Variants in STK32B observed in about 807,000 individuals in gnomAD.
STK32B encodes serine/threonine-protein kinase 32B.
A neutral mutation model predicts 52.6 loss-of-function variants in STK32B; 43 were observed. The observed-to-expected ratio is 0.82, with a 90% confidence interval of 0.64 to 1.05. The LOEUF is 1.05. STK32B is among the 50% of genes least tolerant of loss of function. The probability of loss-of-function intolerance (pLI) is 0.00; values close to 1 mark genes in which losing one functional copy is unlikely to be tolerated. For synonymous variants in STK32B, 238 were observed against 204.3 expected (o/e 1.17, Z -1.41); for missense variants, 621 against 534.6 (o/e 1.16, Z -1.59).
At chr4:5,418,860 T>C (rs1422630486) in intron 6 of STK32B, among the ~76,000 whole-genome samples, 1 of 152,188 alleles carries the variant, frequency 6.6e-6, no homozygotes, top group East Asian at 1.9e-4. Flanking sequence ...GAGTTGCACA[T>C]GGGTATTGCA....
chr4:5,369,311 T>A (rs1735076811), intron 4 of STK32B, among the ~76,000 whole-genome samples: 1 of 152,028 alleles, frequency 6.6e-6, no homozygotes, highest in African/African-American at 2.4e-5. Context: ...CCAAATCATT[T>A]ACCTCTAGAT....
At chr4:5,055,009 G>A (rs1370100655) in intron 1 of STK32B, among the ~76,000 whole-genome samples, 1 of 152,094 alleles carries the variant, frequency 6.6e-6, no homozygotes, top group Non-Finnish European at 1.5e-5. Flanking sequence ...CTTTACTGTG[G>A]ATGGCATCTA....
intron 3 of STK32B, among the ~76,000 whole-genome samples, chr4:5,184,086 A>G (rs894699409): frequency 6.6e-6 from 1 of 152,208 alleles, no homozygotes; most frequent in Non-Finnish European, 1.5e-5. Context: ...TGCATTCAGA[A>G]CTTGGCTAAC....
intron 2 of STK32B, among the ~76,000 whole-genome samples, chr4:5,153,361 A>G (rs1028810510): frequency 1.3e-5 from 2 of 152,140 alleles, no homozygotes; most frequent in Admixed American, 6.5e-5. Flanking sequence ...AGAAAAAGTA[A>G]TGATTATAAT....
rs548147481 is a variant in STK32B at position 5,351,057 on chromosome 4, A to G, written c.434+19664A>G. On this transcript the variant is annotated intron_variant, in intron 4 of 11. Transcript: ENST00000282908. ...TCCCACTTGCAGCATTAGACATATC[A>G]CTTAGACTGAAAATTAACAACAACA... 4.5e-3 allele frequency among the ~76,000 whole-genome samples: 682 copies of G among 152,124 alleles called. 3 individuals carry two copies. The highest frequency in any genetic ancestry group is 8.2e-3 in the Non-Finnish European group (560 of 67,884).
chr4:5,469,090 T>C lies in STK32B; in HGVS notation c.1106+1020T>C, dbSNP rs372637272. 6.7e-6 allele frequency among the ~76,000 whole-genome samples: 1 copy of C among 149,864 alleles called. No homozygotes were observed. Among genetic ancestry groups the C allele is most frequent in the African/African-American group, 2.4e-5 (1 of 40,834 alleles). On this transcript the variant is annotated intron_variant, in intron 11 of 11. Transcript: ENST00000282908. This position sits in a 1 kb window ranked among gnomAD's most constrained non-coding sequence, Gnocchi z 4.7. ...AAATTATCTAGGGGATTTGTGGCTG[T>C]GGCTGACTTGTCAGAGCTGGGGCTC...
At chr4:5,095,984 GATATT>G (rs377439393) in intron 1 of STK32B, among the ~76,000 whole-genome samples, 44 of 152,228 alleles carry the variant, frequency 2.9e-4, no homozygotes, top group African/African-American at 1.0e-3. Flanking sequence ...AATTCTACTG[GATATT>G]ATATTAGTGA....
chr4:5,162,265 T>C (rs1285107326), intron 2 of STK32B, among the ~76,000 whole-genome samples: 2 of 152,202 alleles, frequency 1.3e-5, no homozygotes, highest in African/African-American at 4.8e-5. Context: ...AGGACTTTCT[T>C]GAAGATTGCA....
chr4:5,212,361 C>G (rs1240617356), intron 3 of STK32B, among the ~76,000 whole-genome samples: 1 of 152,126 alleles, frequency 6.6e-6, no homozygotes, highest in African/African-American at 2.4e-5. Flanking sequence ...GATGTGACAC[C>G]TCTCAAAACA....
intron 3 of STK32B, among the ~76,000 whole-genome samples, chr4:5,187,119 G>C (rs182904242): frequency 6.6e-6 from 1 of 152,168 alleles, no homozygotes; most frequent in Non-Finnish European, 1.5e-5. Flanking sequence ...GAGGGAATCC[G>C]TCCAGTAGTC....
chr4:5,446,986 G>GCATT (rs1379765744), intron 7 of STK32B: 1 of 519,436 alleles, frequency 1.9e-6, no homozygotes, highest in African/African-American at 1.9e-5. Context: ...TGGGAAAGAG[G>GCATT]CATTCAGTGG....
chr4:5,194,441 C>T (rs778819837), intron 3 of STK32B, among the ~76,000 whole-genome samples: 25 of 152,156 alleles, frequency 1.6e-4, no homozygotes, highest in African/African-American at 3.1e-4. Context: ...GCCCTTTGCT[C>T]ATCCTCATCC....
intron 6 of STK32B, 35 bp downstream of exon 6, chr4:5,416,969 G>A (rs370991223): frequency 1.5e-5 from 24 of 1,571,040 alleles, no homozygotes; most frequent in South Asian, 1.3e-4. Flanking sequence ...TCATGTGATC[G>A]GGCTCACTGC....
intron 4 of STK32B, among the ~76,000 whole-genome samples, chr4:5,337,897 T>C (rs1260950451): frequency 6.6e-6 from 1 of 151,944 alleles, no homozygotes; most frequent in East Asian, 1.9e-4. Flanking sequence ...ACTGGGGAAA[T>C]GGGAAGGATG....
chr4:5,439,739 C>A (rs2109106339), intron 6 of STK32B, among the ~76,000 whole-genome samples: 1 of 152,250 alleles, frequency 6.6e-6, no homozygotes, highest in South Asian at 2.1e-4. Context: ...GGTTTTAGGT[C>A]TAACGTTTAA....
At chr4:5,409,155 C>T (rs1209081826) in intron 5 of STK32B, among the ~76,000 whole-genome samples, 1 of 152,118 alleles carries the variant, frequency 6.6e-6, no homozygotes, top group Non-Finnish European at 1.5e-5. Flanking sequence ...CATGAAGTCT[C>T]ACCTGAGTGC....
At chr4:5,240,648 T>A (rs1011826855) in intron 3 of STK32B, among the ~76,000 whole-genome samples, 1 of 152,050 alleles carries the variant, frequency 6.6e-6, no homozygotes, top group Non-Finnish European at 1.5e-5. Flanking sequence ...TTAGGAGAGA[T>A]GTGGTTTCAC....
At chr4:5,381,696 G>A (rs1735945464) in intron 4 of STK32B, among the ~76,000 whole-genome samples, 1 of 152,272 alleles carries the variant, frequency 6.6e-6, no homozygotes, top group Non-Finnish European at 1.5e-5. Flanking sequence ...TCTGAAAGTG[G>A]CTCTGCCATA....
chr4:5,302,784 C>A (rs767452651), intron 3 of STK32B, among the ~76,000 whole-genome samples: 1 of 151,742 alleles, frequency 6.6e-6, no homozygotes, highest in Non-Finnish European at 1.5e-5. Context: ...CCCCCGAAGT[C>A]CATTGTATCA....
Sources: allele counts gnomAD v4.1 joint callset (sites outside exome capture counted in the v4.1 genomes callset), GRCh38; gene constraint gnomAD v4.1.1; non-coding constraint Gnocchi (gnomAD v3.1); transcripts MANE v1.5; gene names NCBI Gene and HGNC (gene_info 2026-07-23, HGNC 2026-07-21).